The following BAALC variants were observed in gnomAD, a reference collection of about 807,000 sequenced individuals.
BAALC encodes the protein brain and acute leukemia cytoplasmic protein.
Under a neutral mutation model 15.5 loss-of-function variants are expected in BAALC, and 9 were observed. The ratio of observed to expected loss-of-function variants is 0.58; its 90% CI spans 0.35 to 1.02. The LOEUF (loss-of-function observed/expected upper bound fraction) is 1.02, where lower values mean the gene tolerates loss of function less well. Among genes scored for constraint, BAALC ranks in the 50% least tolerant of loss-of-function variants. BAALC has a pLI of 0.02. For synonymous variants in BAALC, 80 were observed against 74.6 expected (o/e 1.07, Z -0.37); for missense variants, 201 against 192.4 (o/e 1.04, Z -0.27).
intron 1 of BAALC, among the ~76,000 whole-genome samples, chr8:103,173,886 A>C (rs1811551098): frequency 6.6e-6 from 1 of 152,222 alleles, no homozygotes; most frequent in Admixed American, 6.5e-5. Flanking sequence ...AGAGTGCAAA[A>C]TTCGTCACGG....
intron 1 of BAALC, chr8:103,183,592 G>A (rs528271820): frequency 8.0e-5 from 50 of 628,258 alleles, no homozygotes; most frequent in Non-Finnish European, 9.8e-5. Flanking sequence ...CATATTTTCC[G>A]GCAGTGGGTG....
intron 1 of BAALC, among the ~76,000 whole-genome samples, chr8:103,212,398 T>C (rs773907205): frequency 5.3e-5 from 8 of 152,108 alleles, no homozygotes; most frequent in Non-Finnish European, 8.8e-5. Context: ...CAGCAAACTA[T>C]GATCATGCCA....
At chr8:103,156,777 C>T (rs530337493) in intron 1 of BAALC, among the ~76,000 whole-genome samples, 1 of 152,340 alleles carries the variant, frequency 6.6e-6, no homozygotes, top group South Asian at 2.1e-4. Context: ...GTCTGGGCAG[C>T]TGATGAATGG....
rs531702413 is a variant in BAALC at position 103,151,122 on chromosome 8, A to G, written c.160+10065A>G. On this transcript the variant is annotated intron_variant, in intron 1 of 2. Coordinates refer to ENST00000309982, the MANE Select transcript of BAALC (RefSeq NM_024812.3). ...AACCTCTGCCTCCTGGGTTCAAGCGATTCTCCTCCCTCAGCCTCCCGAGTA... is the reference window on the plus strand; with the variant it reads ...AACCTCTGCCTCCTGGGTTCAAGCGGTTCTCCTCCCTCAGCCTCCCGAGTA... 4.6e-5 allele frequency among the ~76,000 whole-genome samples: 7 copies of G among 150,706 alleles called. No homozygotes were observed. In the East Asian group the frequency reaches 1.4e-3, roughly 29 times the overall value.
At chr8:103,150,949 C>T (rs1810972854) in intron 1 of BAALC, among the ~76,000 whole-genome samples, 1 of 152,132 alleles carries the variant, frequency 6.6e-6, no homozygotes, top group South Asian at 2.1e-4. Context: ...TCAACCTGCT[C>T]TCTTCATCCA....
At chr8:103,143,007 A>T (rs1487150191) in intron 1 of BAALC, among the ~76,000 whole-genome samples, 1 of 152,190 alleles carries the variant, frequency 6.6e-6, no homozygotes, top group Non-Finnish European at 1.5e-5. Flanking sequence ...AGACGCTTGT[A>T]TGGGCAGGGT....
At chr8:103,167,149 T>C (rs1811367254) in intron 1 of BAALC, among the ~76,000 whole-genome samples, 1 of 152,198 alleles carries the variant, frequency 6.6e-6, no homozygotes, top group Non-Finnish European at 1.5e-5. Context: ...ATAGACATTA[T>C]TGAAAGGCTT....
chr8:103,207,179 G>C (rs1812349657), intron 1 of BAALC, among the ~76,000 whole-genome samples: 1 of 152,046 alleles, frequency 6.6e-6, no homozygotes, highest in Non-Finnish European at 1.5e-5. Flanking sequence ...ACAGGTCCAG[G>C]GGAGGAAAAA....
At chr8:103,205,424 A>C (rs1812305996) in intron 1 of BAALC, among the ~76,000 whole-genome samples, 3 of 152,230 alleles carry the variant, frequency 2.0e-5, no homozygotes, top group African/African-American at 7.2e-5. Flanking sequence ...CTCTAGGGGC[A>C]CATAAATGTC....
At chr8:103,186,006 C>T (rs1811826895) in intron 1 of BAALC, among the ~76,000 whole-genome samples, 1 of 152,132 alleles carries the variant, frequency 6.6e-6, no homozygotes, top group South Asian at 2.1e-4. Flanking sequence ...GGTTAGTTCT[C>T]ACTGTGGCCC....
At chr8:103,183,605 C>T (rs1053098937) in intron 1 of BAALC, among the ~76,000 whole-genome samples, 2 of 152,152 alleles carry the variant, frequency 1.3e-5, no homozygotes. Flanking sequence ...AGTGGGTGGA[C>T]ACTCAGGCTT....
At chr8:103,211,679 G>C (rs1038217625) in intron 1 of BAALC, among the ~76,000 whole-genome samples, 1 of 152,130 alleles carries the variant, frequency 6.6e-6, no homozygotes, top group Admixed American at 6.5e-5. Flanking sequence ...GCATCTATTT[G>C]AGAGAGCCAC....
At chr8:103,152,696 G>T (rs1811011869) in intron 1 of BAALC, among the ~76,000 whole-genome samples, 1 of 152,176 alleles carries the variant, frequency 6.6e-6, no homozygotes. Context: ...GCATCTGGCT[G>T]CCTGAACAGA....
intron 1 of BAALC, among the ~76,000 whole-genome samples, chr8:103,143,359 C>T (rs1202232197): frequency 6.6e-6 from 1 of 152,146 alleles, no homozygotes; most frequent in African/African-American, 2.4e-5. Flanking sequence ...ACCTAACAGC[C>T]CCCAGTGGCT....
intron 1 of BAALC, among the ~76,000 whole-genome samples, chr8:103,143,953 T>C (rs534382304): frequency 1.3e-5 from 2 of 152,310 alleles, no homozygotes; most frequent in African/African-American, 4.8e-5. Flanking sequence ...ACAACTTCTC[T>C]TTAAAAAGTT....
intron 1 of BAALC, among the ~76,000 whole-genome samples, chr8:103,159,730 T>TTTTCTAGGCTTATTATTA (rs1811179612): frequency 6.6e-6 from 1 of 152,180 alleles, no homozygotes; most frequent in African/African-American, 2.4e-5. Flanking sequence ...TATGGTATGT[T>TTTTCTAGGCTTATTATTA]TTTCTAGGCT....
At chr8:103,216,950 A>G (rs60275648) in intron 2 of BAALC, among the ~76,000 whole-genome samples, 3,667 of 152,276 alleles carry the variant, frequency 0.024, 150 homozygotes, top group African/African-American at 0.083. Flanking sequence ...CATGCCGCAC[A>G]TACACACACA....
In BAALC at chr8:103,169,312, C is replaced by T. The variant is rs376759651; in HGVS notation, c.160+28255C>T. On this transcript the variant is annotated intron_variant, in intron 1 of 2. Transcript: ENST00000309982. ...AGCATCTCATTCTTAGTTTTTTAGACGCAATATCTTTCTGATTATAACATT... is the reference window on the plus strand; with the variant it reads ...AGCATCTCATTCTTAGTTTTTTAGATGCAATATCTTTCTGATTATAACATT... Among the ~76,000 whole-genome samples the T allele has an allele frequency of 1.1e-4, 17 of 152,154 alleles. No homozygotes were observed. The East Asian group carries it at 1.5e-3, about 14-fold the overall frequency.
intron 1 of BAALC, among the ~76,000 whole-genome samples, chr8:103,182,605 G>A (rs1235754910): frequency 6.6e-6 from 1 of 152,208 alleles, no homozygotes; most frequent in African/African-American, 2.4e-5. Context: ...GTTTGACTGT[G>A]AAGTCCTGAT....
Sources: allele counts gnomAD v4.1 joint callset (sites outside exome capture counted in the v4.1 genomes callset), GRCh38; gene constraint gnomAD v4.1.1; transcripts MANE v1.5; gene names NCBI Gene and HGNC (gene_info 2026-07-23, HGNC 2026-07-21).